The following ENTREP2 variants were observed in gnomAD, a reference collection of about 807,000 sequenced individuals.
The protein encoded by ENTREP2 is endosomal transmembrane epsin interactor 2, also known as protein ENTREP2.
At chr15:29,123,155 G>T in the ENTREP2 span, 2 of 601,030 alleles carry the variant, frequency 3.3e-6, no homozygotes, top group African/African-American at 1.8e-5. Flanking sequence ...ACACTGCTCG[G>T]CTCCCCTCGA....
the ENTREP2 span, among the ~76,000 whole-genome samples, chr15:29,591,873 GAAGAAGAAGAAGAAGAAGAAGA>G: frequency 9.6e-5 from 4 of 41,580 alleles, no homozygotes; most frequent in Non-Finnish European, 2.0e-4. Flanking sequence ...AGAAGAAGAA[GAAGAAGAAGAAGAAGAAGAAGA>G]AGAGAGAAAA....
At chr15:29,347,038 C>A in the ENTREP2 span, among the ~76,000 whole-genome samples, 1 of 152,220 alleles carries the variant, frequency 6.6e-6, no homozygotes, top group Non-Finnish European at 1.5e-5. Context: ...AGTTTGGATT[C>A]ATGTCAGAAC....
chr15:29,551,233 A>G, the ENTREP2 span, among the ~76,000 whole-genome samples: 4 of 152,134 alleles, frequency 2.6e-5, no homozygotes, highest in Non-Finnish European at 4.4e-5. Flanking sequence ...GGCTTTGCCA[A>G]TCAGGGGAGC....
chr15:29,269,404 T>C, the ENTREP2 span: 11 of 1,614,188 alleles, frequency 6.8e-6, no homozygotes, highest in Middle Eastern at 1.6e-4. Context: ...AATCTTCTTC[T>C]GGTCTTTAAT....
chr15:29,293,548 G>A, the ENTREP2 span, among the ~76,000 whole-genome samples: 67,054 of 151,534 alleles, frequency 0.44, 15,436 homozygotes, highest in African/African-American at 0.53. Context: ...GAGCCACCGC[G>A]CCCGGCCAAA....
At chr15:29,437,711 T>C in the ENTREP2 span, among the ~76,000 whole-genome samples, 1 of 152,194 alleles carries the variant, frequency 6.6e-6, no homozygotes, top group Non-Finnish European at 1.5e-5. Flanking sequence ...CCAAAGTAAA[T>C]GCAAATCCCC....
At chr15:29,208,452 G>A in the ENTREP2 span, among the ~76,000 whole-genome samples, 1 of 152,154 alleles carries the variant, frequency 6.6e-6, no homozygotes, top group Non-Finnish European at 1.5e-5. Context: ...GCCTCAGAGT[G>A]CTCTCAAGCC....
At chr15:29,634,877 G>C in the ENTREP2 span, among the ~76,000 whole-genome samples, 1 of 152,194 alleles carries the variant, frequency 6.6e-6, no homozygotes, top group Non-Finnish European at 1.5e-5. Context: ...GCATGGAAGA[G>C]GGAGCACGAA....
At chr15:29,157,041 G>A in the ENTREP2 span, among the ~76,000 whole-genome samples, 7 of 152,158 alleles carry the variant, frequency 4.6e-5, no homozygotes, top group Admixed American at 2.6e-4. Flanking sequence ...AGGTAGCCGT[G>A]AGCCGAGATC....
At chr15:29,294,980 G>A in the ENTREP2 span, among the ~76,000 whole-genome samples, 1 of 152,190 alleles carries the variant, frequency 6.6e-6, no homozygotes, top group African/African-American at 2.4e-5. Flanking sequence ...GTGCTGCAAG[G>A]ATGGAGGGGG....
the ENTREP2 span, among the ~76,000 whole-genome samples, chr15:29,446,361 A>G: frequency 5.3e-5 from 8 of 152,200 alleles, no homozygotes; most frequent in Admixed American, 2.6e-4. Context: ...TGAGGGGGGA[A>G]GTCTGCTAGG....
chr15:29,264,525 G>A, the ENTREP2 span, among the ~76,000 whole-genome samples: 8 of 152,112 alleles, frequency 5.3e-5, no homozygotes, highest in African/African-American at 1.4e-4. Context: ...AAATAACACA[G>A]CATTGCTTCT....
At chr15:29,512,830 T>C in the ENTREP2 span, among the ~76,000 whole-genome samples, 2 of 152,178 alleles carry the variant, frequency 1.3e-5, no homozygotes, top group Non-Finnish European at 2.9e-5. Flanking sequence ...CCATACTCCA[T>C]CTCTAGTGAT....
chr15:29,540,023 G>A, the ENTREP2 span, among the ~76,000 whole-genome samples: 901 of 152,132 alleles, frequency 5.9e-3, 5 homozygotes, highest in African/African-American at 0.02. Flanking sequence ...AGTGGCTCCC[G>A]TGCACCCAGG....
chr15:29,630,923 T>C, the ENTREP2 span, among the ~76,000 whole-genome samples: 2 of 152,174 alleles, frequency 1.3e-5, no homozygotes, highest in Non-Finnish European at 2.9e-5. Context: ...CTTCAGGTGA[T>C]CCCCCGCCTC....
the ENTREP2 span, among the ~76,000 whole-genome samples, chr15:29,362,345 C>T: frequency 7.5e-6 from 1 of 132,926 alleles, no homozygotes; most frequent in Non-Finnish European, 1.6e-5. Context: ...TATTGGGTAT[C>T]TTTGTCTACC....
At chr15:29,227,671 G>C in the ENTREP2 span, among the ~76,000 whole-genome samples, 1 of 152,136 alleles carries the variant, frequency 6.6e-6, no homozygotes, top group African/African-American at 2.4e-5. Flanking sequence ...GAAGACGGAA[G>C]GAAAGAGGAT....
At chr15:29,308,465 G>A in the ENTREP2 span, among the ~76,000 whole-genome samples, 1 of 152,188 alleles carries the variant, frequency 6.6e-6, no homozygotes, top group Non-Finnish European at 1.5e-5. Context: ...CAGAGACTCG[G>A]CACAGTGCCA....
the ENTREP2 span, among the ~76,000 whole-genome samples, chr15:29,178,411 C>T: frequency 6.6e-6 from 1 of 152,002 alleles, no homozygotes; most frequent in East Asian, 1.9e-4. Flanking sequence ...GTTCACAATG[C>T]ATCTCTCCGT....
Sources: allele counts gnomAD v4.1 joint callset (sites outside exome capture counted in the v4.1 genomes callset), GRCh38; gene constraint gnomAD v4.1.1; transcripts MANE v1.5; gene names NCBI Gene and HGNC (gene_info 2026-07-23, HGNC 2026-07-21).